FREM2: variants seen among roughly 807,000 people sequenced by gnomAD.
FREM2 encodes the protein FRAS1-related extracellular matrix protein 2.
A neutral mutation model predicts 219.9 loss-of-function variants in FREM2; 119 were observed. The ratio of observed to expected loss-of-function variants is 0.54; its 90% CI spans 0.47 to 0.63. The LOEUF is 0.63. FREM2 is among the 30% of genes least tolerant of loss of function. FREM2 has a pLI of 0.00. For missense variants in FREM2, 4,030 were observed against 3,993.6 expected (o/e 1.01, Z -0.25); for synonymous variants, 1,562 against 1,522.8 (o/e 1.03, Z -0.60).
chr13:38,848,720 C>T (rs757453341), intron 8 of FREM2, 50 bp downstream of exon 8: 2 of 1,445,758 alleles, frequency 1.4e-6, no homozygotes, highest in Non-Finnish European at 1.9e-6. Flanking sequence ...AAATCATAAG[C>T]TAAGGTTTAT....
chr13:38,722,255 T>A (rs1349005755), intron 2 of FREM2, among the ~76,000 whole-genome samples: 1 of 152,090 alleles, frequency 6.6e-6, no homozygotes, highest in Non-Finnish European at 1.5e-5. Flanking sequence ...AGATGGGGGT[T>A]CCCTCTGTTG....
At chr13:38,723,441 G>T (rs188492366) in intron 2 of FREM2, among the ~76,000 whole-genome samples, 30 of 152,168 alleles carry the variant, frequency 2.0e-4, no homozygotes, top group African/African-American at 6.5e-4. Flanking sequence ...TATGCAGAAA[G>T]TTTCCTTTGT....
In FREM2 at chr13:38,871,713, A is replaced by C. The variant is rs17627567; in HGVS notation, c.7984-1029A>C. 2.6e-3 allele frequency among the ~76,000 whole-genome samples: 397 copies of C among 152,240 alleles called. 9 individuals are homozygous for C. The East Asian group carries it at 0.059, about 23-fold the overall frequency. ...TCCGTCATCCATTGACCATCCAACT[A>C]TCCATCCATACATGCAAAATAATTA... On this transcript the variant is annotated intron_variant, in intron 16 of 23. Transcript: ENST00000280481.
intron 4 of FREM2, among the ~76,000 whole-genome samples, chr13:38,770,234 C>T (rs996120511): frequency 1.3e-4 from 20 of 148,820 alleles, no homozygotes; most frequent in Middle Eastern, 7.2e-3. Flanking sequence ...TATATAAAAT[C>T]GTTTGTAAAG....
At chr13:38,799,023 G>T (rs1408366830) in intron 6 of FREM2, among the ~76,000 whole-genome samples, 2 of 151,726 alleles carry the variant, frequency 1.3e-5, no homozygotes, top group Non-Finnish European at 2.9e-5. Flanking sequence ...GCTAATTTGA[G>T]GTTTGGTTTG....
At chr13:38,870,219 A>G (rs1247636097) in intron 16 of FREM2, among the ~76,000 whole-genome samples, 1 of 152,190 alleles carries the variant, frequency 6.6e-6, no homozygotes, top group African/African-American at 2.4e-5. Context: ...TACTTTGTAC[A>G]CTGATACTCT....
At chr13:38,701,880 A>G (rs1870357029) in intron 2 of FREM2, among the ~76,000 whole-genome samples, 1 of 152,160 alleles carries the variant, frequency 6.6e-6, no homozygotes, top group African/African-American at 2.4e-5. Flanking sequence ...AACCTCCATT[A>G]GTAAGGAAGA....
intron 4 of FREM2, 41 bp from the exon 5 acceptor site, chr13:38,783,029 C>T (rs768527918): frequency 1.2e-6 from 2 of 1,609,964 alleles, no homozygotes; most frequent in Admixed American, 3.3e-5. Flanking sequence ...AGGTAAGAAG[C>T]TCAGACAAAA....
intron 11 of FREM2, among the ~76,000 whole-genome samples, chr13:38,853,711 T>G (rs987191513): frequency 1.3e-5 from 2 of 152,214 alleles, no homozygotes; most frequent in African/African-American, 4.8e-5. Context: ...TTATTCTCTA[T>G]GTAAAACAAA....
chr13:38,735,485 T>A (rs1871953319), intron 2 of FREM2, among the ~76,000 whole-genome samples: 1 of 152,192 alleles, frequency 6.6e-6, no homozygotes, highest in African/African-American at 2.4e-5. Flanking sequence ...AACTACTGCT[T>A]TGTCATTTCA....
At chr13:38,869,292 T>C (rs1170482711) in intron 16 of FREM2, among the ~76,000 whole-genome samples, 1 of 152,236 alleles carries the variant, frequency 6.6e-6, no homozygotes, top group East Asian at 1.9e-4. Context: ...ATTATTTACC[T>C]TATTAGTTAA....
rs755373156 is a variant in FREM2, at chr13:38,857,944, C to G, written c.7126C>G (p.Gln2376Glu). 63 of 1,613,600 alleles carry G rather than the reference C, an allele frequency of 3.9e-5. No homozygotes were observed. The highest frequency in any genetic ancestry group is 5.2e-5 in the Non-Finnish European group (61 of 1,179,646). ...AGATGTCACTTTTCCTTCTGTCCCT[C>G]AAATTGTATCCCTGTTGATGTATGA... ...MADVTFPSVP[Q>E]IVSLLMYDDT... The change falls in exon 13 of 24, where the codon CAA becomes GAA. Residue 2376 changes from glutamine (Q) to glutamate (E), a missense_variant. Coordinates refer to ENST00000280481, the MANE Select transcript of FREM2 (RefSeq NM_207361.6).
chr13:38,755,910 A>G (rs1872977549), intron 2 of FREM2, among the ~76,000 whole-genome samples: 1 of 152,182 alleles, frequency 6.6e-6, no homozygotes, highest in African/African-American at 2.4e-5. Flanking sequence ...TCAAATTAGC[A>G]GGTAACCATG....
At position 38,689,267 on chromosome 13, in the gene FREM2, A is replaced by T; in HGVS notation, c.1923A>T (p.Thr641=). ...KEGAFYERTV[T]EWQQQDITEG... ...GGGCATTTTATGAGCGAACAGTGAC[A>T]GAGTGGCAGCAGCAGGACATAACAG... Residue 641 remains threonine, a synonymous_variant, in exon 1 of 24, where the codon ACA becomes ACT. Transcript: ENST00000280481. 6.2e-7 allele frequency: 1 copy of T among 1,614,138 alleles called. No homozygotes were observed. Among genetic ancestry groups the T allele is most frequent in the Non-Finnish European group, 8.5e-7 (1 of 1,180,020 alleles).
chr13:38,741,440 G>A (rs1257249007), intron 2 of FREM2, among the ~76,000 whole-genome samples: 1 of 152,098 alleles, frequency 6.6e-6, no homozygotes, highest in East Asian at 1.9e-4. Flanking sequence ...GCTAATATGA[G>A]TCACTGAATG....
rs1437502609 is a variant in FREM2 at position 38,850,198 on chromosome 13, C to T, written c.6540C>T (p.Arg2180=). 5.6e-6 allele frequency: 9 copies of T among 1,613,778 alleles called. No individual in the cohort carries two copies. Among genetic ancestry groups the T allele is most frequent in the Non-Finnish European group, 7.6e-6 (9 of 1,179,876 alleles). The change falls in exon 9 of 24, where the codon CGC becomes CGT. Residue 2180 remains arginine (R), a synonymous_variant. Transcript: ENST00000280481. ...SAQVMMDFEE[R]PNTDTSIITF... is the part of the protein sequence containing the mutation. ...AGGTGATGATGGACTTTGAAGAACG[C>T]CCAAACACTGATACCTCCATCATCA...
At chr13:38,716,771 G>A (rs1871019719) in intron 2 of FREM2, among the ~76,000 whole-genome samples, 1 of 152,190 alleles carries the variant, frequency 6.6e-6, no homozygotes, top group Non-Finnish European at 1.5e-5. Flanking sequence ...GCCTCCCAAA[G>A]TGCTGGGATT....
chr13:38,834,667 T>C (rs1325099452), intron 6 of FREM2, among the ~76,000 whole-genome samples: 1 of 152,236 alleles, frequency 6.6e-6, no homozygotes, highest in Non-Finnish European at 1.5e-5. Context: ...ATGGTGTTCA[T>C]TGTGGTTCTG....
intron 2 of FREM2, among the ~76,000 whole-genome samples, chr13:38,731,911 G>A (rs1402725066): frequency 6.6e-6 from 1 of 152,166 alleles, no homozygotes; most frequent in Non-Finnish European, 1.5e-5. Flanking sequence ...AAATCCGCTA[G>A]TGAAAAGAAA....
Sources: allele counts gnomAD v4.1 joint callset (sites outside exome capture counted in the v4.1 genomes callset), GRCh38; gene constraint gnomAD v4.1.1; transcripts MANE v1.5; gene names NCBI Gene and HGNC (gene_info 2026-07-23, HGNC 2026-07-21).